DDX60L: variants seen among roughly 807,000 people sequenced by gnomAD.
The protein encoded by DDX60L is DExD/H-box 60 like.
DDX60L carries 191 observed loss-of-function variants against 211.6 expected under a neutral mutation model. The ratio of observed to expected loss-of-function variants is 0.90; its 90% CI spans 0.80 to 1.02. The LOEUF is 1.02. Ranked by LOEUF, DDX60L falls within the 50% of genes least tolerant of loss-of-function variation. The pLI is 0.00. For missense variants in DDX60L, 2,007 were observed against 1,984.1 expected (o/e 1.01, Z -0.22); for synonymous variants, 706 against 694.1 (o/e 1.02, Z -0.27).
intron 36 of DDX60L, among the ~76,000 whole-genome samples, chr4:168,362,630 T>C (rs1423904375): frequency 1.3e-5 from 2 of 152,214 alleles, no homozygotes; most frequent in Non-Finnish European, 2.9e-5. Context: ...CCTGTAGATA[T>C]CATACAAAAG....
At position 168,467,264 on chromosome 4, in the gene DDX60L, C is replaced by T. The variant is rs115754997; in HGVS notation, c.264+4483G>A. Among the ~76,000 whole-genome samples the T allele has an allele frequency of 1.6e-3, 244 of 151,924 alleles. 2 individuals are homozygous for T. Among genetic ancestry groups the T allele is most frequent in the African/African-American group, 5.7e-3 (235 of 41,460 alleles). The stretch of plus-strand genomic sequence containing the variant: ...TCTTTATAAAAAATACAAAAATTAG[C>T]CAACCATGCTGCCACACGCCTGTAG... On this transcript the variant is annotated intron_variant, in intron 4 of 37. Transcript: ENST00000682922.
chr4:168,362,185 G>A (rs903769286), intron 36 of DDX60L, among the ~76,000 whole-genome samples: 1 of 152,204 alleles, frequency 6.6e-6, no homozygotes, highest in Non-Finnish European at 1.5e-5. Flanking sequence ...ACTGCGGCAT[G>A]CCAGTCAGCC....
At chr4:168,455,634 T>C (rs1579774067) in intron 7 of DDX60L, among the ~76,000 whole-genome samples, 1 of 152,052 alleles carries the variant, frequency 6.6e-6, no homozygotes, top group Non-Finnish European at 1.5e-5. Flanking sequence ...TTACATGGTG[T>C]CAGGTAACAC....
At chr4:168,362,471 A>C (rs527497804) in intron 36 of DDX60L, among the ~76,000 whole-genome samples, 17 of 152,332 alleles carry the variant, frequency 1.1e-4, no homozygotes, top group African/African-American at 3.4e-4. Flanking sequence ...TACCCAGCTC[A>C]AGAGCCAGCC....
chr4:168,409,734 C>T (rs1262459348), intron 22 of DDX60L, among the ~76,000 whole-genome samples: 1 of 152,172 alleles, frequency 6.6e-6, no homozygotes, highest in African/African-American at 2.4e-5. Flanking sequence ...TAATTCCTTA[C>T]TCGTGCATTC....
intron 8 of DDX60L, among the ~76,000 whole-genome samples, chr4:168,449,653 A>AAAAAAAAAAAAAAAAAAAAAAAAAAAT (rs1448068520): frequency 5.0e-5 from 1 of 20,178 alleles, no homozygotes; most frequent in South Asian, 1.8e-3. Flanking sequence ...AAAAAAATGC[A>AAAAAAAAAAAAAAAAAAAAAAAAAAAT]AAAAAAAAAA....
chr4:168,381,310 C>T (rs1484089205), intron 30 of DDX60L, among the ~76,000 whole-genome samples: 1 of 152,020 alleles, frequency 6.6e-6, no homozygotes, highest in Non-Finnish European at 1.5e-5. Context: ...TGCAGCATTC[C>T]CTCCCATCAC....
chr4:168,358,257 A>G lies in DDX60L; in HGVS notation c.5011T>C (p.Cys1671Arg). The change falls in exon 38 of 38, where the codon TGT becomes CGT. Residue 1671 changes from cysteine (C) to arginine (R), a missense_variant. Physicochemically the swap from Cys to Arg is radical, Grantham distance 180. Coordinates refer to ENST00000682922, the MANE Select transcript of DDX60L (RefSeq NM_001012967.3). ...ACTACATTGTCACGCTTATTTTCAC[A>G]TAGTTCACTCAAGGAGTCACTGTAT... ...QAISDSLSEL[C>R]ENKRDNVVLA... 2 of 1,592,148 alleles carry G rather than the reference A, an allele frequency of 1.3e-6. No homozygotes were observed. The highest frequency in any genetic ancestry group is 1.7e-6 in the Non-Finnish European group (2 of 1,169,608).
chr4:168,369,252 C>T (rs1242630588), intron 36 of DDX60L, among the ~76,000 whole-genome samples: 1 of 152,056 alleles, frequency 6.6e-6, no homozygotes, highest in Non-Finnish European at 1.5e-5. Context: ...AGCTGTTCTC[C>T]TGATAGTGAA....
intron 30 of DDX60L, chr4:168,380,867 T>G (rs1404791788): frequency 6.6e-6 from 1 of 152,094 alleles, no homozygotes; most frequent in Admixed American, 6.6e-5. Flanking sequence ...GCTAATGAGG[T>G]CTCAGATGGA....
intron 36 of DDX60L, among the ~76,000 whole-genome samples, chr4:168,366,204 C>T (rs1297372245): frequency 6.6e-6 from 1 of 152,068 alleles, no homozygotes; most frequent in Non-Finnish European, 1.5e-5. Context: ...GTCAGATTGT[C>T]CCTGTTTTCA....
intron 25 of DDX60L, 43 bp from the exon 26 acceptor site, chr4:168,401,021 T>C (rs1300708379): frequency 1.3e-6 from 2 of 1,574,456 alleles, no homozygotes; most frequent in Non-Finnish European, 1.7e-6. Flanking sequence ...ACTATGTTTC[T>C]ATCCATATTG....
intron 23 of DDX60L, 69 bp downstream of exon 23, chr4:168,406,533 T>A: frequency 9.1e-7 from 1 of 1,104,170 alleles, no homozygotes; most frequent in Non-Finnish European, 1.3e-6. Context: ...ACCTGTAGAG[T>A]AATTTTGCTA....
intron 33 of DDX60L, among the ~76,000 whole-genome samples, chr4:168,377,012 T>A (rs1301935858): frequency 6.6e-6 from 1 of 152,172 alleles, no homozygotes; most frequent in Non-Finnish European, 1.5e-5. Flanking sequence ...AAAAGTGGGC[T>A]GGGCATGGTG....
At chr4:168,379,934 G>T in intron 30 of DDX60L, 104 bp from the exon 31 acceptor site, 2 of 676,460 alleles carry the variant, frequency 3.0e-6, no homozygotes, top group East Asian at 3.0e-5. Flanking sequence ...AAGGTTACCA[G>T]ATCTTACGTG....
chr4:168,391,678 A>G (rs758524326), intron 28 of DDX60L, 34 bp from the exon 29 acceptor site: 26 of 1,148,114 alleles, frequency 2.3e-5, no homozygotes, highest in Non-Finnish European at 3.0e-5. Context: ...TCAATACACA[A>G]TATAGCATAT....
In DDX60L at chr4:168,448,693, A is replaced by G. The variant is rs1376714781; in HGVS notation, c.1083T>C (p.Tyr361=). ...NLNLNHVSDL[Y]DEQLLKNIAF... Reference sequence around the variant, plus strand: ...CTATATTCTTTAACAATTGCTCATCATACAAGTCAGAAACATGATTTAAAT... The same window carrying G: ...CTATATTCTTTAACAATTGCTCATCGTACAAGTCAGAAACATGATTTAAAT... Residue 361 remains tyrosine, a synonymous_variant, in exon 9 of 38, where the codon TAT becomes TAC. Transcript: ENST00000682922. 1 of 1,600,916 alleles carries G rather than the reference A, an allele frequency of 6.2e-7. No individual in the cohort carries two copies. Among genetic ancestry groups the G allele is most frequent in the Non-Finnish European group, 8.5e-7 (1 of 1,169,804 alleles).
In DDX60L at chr4:168,456,138, TAG is replaced by T. The variant is rs760120758; in HGVS notation, c.736_737del (p.Leu246IlefsTer37). The T allele has an allele frequency of 2.5e-6, 4 of 1,577,038 alleles. No individual in the cohort carries two copies. The African/African-American group carries it at 4.1e-5, about 16-fold the overall frequency. On this transcript the variant is annotated frameshift_variant, in exon 7 of 38. Coordinates refer to ENST00000682922, the MANE Select transcript of DDX60L (RefSeq NM_001012967.3). LOFTEE classifies it high-confidence loss of function. ...CTGACCATAGGTGCTGAAGCAGAAA[TAG>T]AGTCTGATACGCCTATCAAAAAAGA... ...NDMMEEAYQT[L>X]FLLQHLWSEG...
chr4:168,454,288 C>T (rs911736291), intron 7 of DDX60L, among the ~76,000 whole-genome samples: 2 of 152,104 alleles, frequency 1.3e-5, no homozygotes, highest in Non-Finnish European at 2.9e-5. Flanking sequence ...ATCTACTGTA[C>T]TACATACTAA....
Sources: allele counts gnomAD v4.1 joint callset (sites outside exome capture counted in the v4.1 genomes callset), GRCh38; gene constraint gnomAD v4.1.1; transcripts MANE v1.5; gene names NCBI Gene and HGNC (gene_info 2026-07-23, HGNC 2026-07-21).